Variants in FOXP2 observed in about 807,000 individuals in gnomAD.
FOXP2 encodes the protein forkhead box P2.
Under a neutral mutation model 115.8 loss-of-function variants are expected in FOXP2, and 12 were observed. The observed-to-expected ratio is 0.10, with a 90% CI of 0.07 to 0.17. The LOEUF is 0.17. Among genes scored for constraint, FOXP2 ranks in the 10% least tolerant of loss-of-function variants. The probability of loss-of-function intolerance (pLI) is 1.00; values close to 1 mark genes in which losing one functional copy is unlikely to be tolerated. For missense variants in FOXP2, 629 were observed against 843.5 expected (o/e 0.75, Z 3.15); for synonymous variants, 328 against 297.7 (o/e 1.10, Z -1.05).
chr7:114,437,135 A>G (rs1719503110), intron 2 of FOXP2, among the ~76,000 whole-genome samples: 1 of 151,966 alleles, frequency 6.6e-6, no homozygotes, highest in African/African-American at 2.4e-5. Flanking sequence ...TGTGATTTTT[A>G]CTGTTTGTGG....
At chr7:114,445,076 G>C (rs1312052869) in intron 2 of FOXP2, among the ~76,000 whole-genome samples, 1 of 147,604 alleles carries the variant, frequency 6.8e-6, no homozygotes, top group African/African-American at 2.5e-5. Flanking sequence ...CAACTATTTT[G>C]ACTCTTTTAC....
chr7:114,431,019 G>T (rs897859918), intron 2 of FOXP2, among the ~76,000 whole-genome samples: 1 of 151,784 alleles, frequency 6.6e-6, no homozygotes, highest in African/African-American at 2.4e-5. Context: ...TATAAAAAAG[G>T]ATTTAAATCT....
At chr7:114,574,475 C>T (rs969908106) in intron 3 of FOXP2, among the ~76,000 whole-genome samples, 1 of 151,672 alleles carries the variant, frequency 6.6e-6, no homozygotes, top group Non-Finnish European at 1.5e-5. Context: ...TACTAGGATA[C>T]ATGCCTTTCT....
In FOXP2 at chr7:114,415,237, A is replaced by T; in HGVS notation, c.-134A>T. On this transcript the variant is annotated 5_prime_UTR_variant, in exon 1 of 17. Transcript: ENST00000350908. ...GGCTTTGACAGTGAGCTAGCTTCTG[A>T]GTTTTCCCTTCTTTTTATACTGTTT... 2.2e-6 allele frequency: 1 copy of T among 453,858 alleles called. No homozygotes were observed. The highest frequency in any genetic ancestry group is 1.6e-5 in the South Asian group (1 of 64,472). The allele number at this position is 453,858 out of a possible 1,614,324, so 28.1% of individuals were successfully genotyped here. A position where few individuals can be genotyped will look rare whatever the true frequency, so the allele number is the denominator to read the frequency against.
chr7:114,539,462 G>A (rs1799551924), intron 3 of FOXP2, among the ~76,000 whole-genome samples: 1 of 151,796 alleles, frequency 6.6e-6, no homozygotes, highest in Admixed American at 6.6e-5. Context: ...TATGATGCCA[G>A]AAATTTAGAA....
At chr7:114,410,081 C>T (rs1041800899), upstream of FOXP2, among the ~76,000 whole-genome samples, 2 of 152,074 alleles carry the variant, frequency 1.3e-5, no homozygotes, top group Non-Finnish European at 2.9e-5. Context: ...GGGGGCAGTT[C>T]CAATACTGGG....
intron 3 of FOXP2, among the ~76,000 whole-genome samples, chr7:114,594,377 A>G (rs1376259470): frequency 6.6e-6 from 1 of 152,034 alleles, no homozygotes; most frequent in Non-Finnish European, 1.5e-5. Flanking sequence ...TTTGCTGTCA[A>G]TCACAATTAG....
At chr7:114,477,177 A>G (rs1796311029) in intron 2 of FOXP2, among the ~76,000 whole-genome samples, 1 of 152,022 alleles carries the variant, frequency 6.6e-6, no homozygotes. Flanking sequence ...AAGTAAAATA[A>G]ATCACTCACT....
chr7:114,246,109 G>T (rs1441742946), intron 1 of FOXP2, among the ~76,000 whole-genome samples: 1 of 152,076 alleles, frequency 6.6e-6, no homozygotes, highest in Non-Finnish European at 1.5e-5. Context: ...CATATAAAAT[G>T]ATATACAGTA....
At chr7:114,659,494 G>A in intron 12 of FOXP2, 62 bp downstream of exon 12, 1 of 1,583,994 alleles carries the variant, frequency 6.3e-7, no homozygotes, top group Non-Finnish European at 8.7e-7. Flanking sequence ...CTTAAAGTAA[G>A]GCTTGGATGA....
intron 6 of FOXP2, among the ~76,000 whole-genome samples, chr7:114,635,875 T>C (rs1349261044): frequency 6.6e-6 from 1 of 152,174 alleles, no homozygotes; most frequent in Non-Finnish European, 1.5e-5. Context: ...CCATCAAGCT[T>C]TTGAAATGCA....
At chr7:114,145,366 T>C (rs1238809072) in intron 1 of FOXP2, among the ~76,000 whole-genome samples, 1 of 152,168 alleles carries the variant, frequency 6.6e-6, no homozygotes, top group Non-Finnish European at 1.5e-5. Flanking sequence ...TAGTAAACAT[T>C]CTGAAATAGA....
chr7:114,365,934 C>A (rs539654156), intron 2 of FOXP2, among the ~76,000 whole-genome samples: 1 of 151,886 alleles, frequency 6.6e-6, no homozygotes, highest in African/African-American at 2.4e-5. Context: ...TAATCATTTC[C>A]CCCAAAATTC....
At chr7:114,131,257 G>T (rs776089927) in intron 1 of FOXP2, among the ~76,000 whole-genome samples, 1 of 152,152 alleles carries the variant, frequency 6.6e-6, no homozygotes, top group Non-Finnish European at 1.5e-5. Flanking sequence ...ATCTCCATCA[G>T]TATGGAAGAG....
intron 7 of FOXP2, among the ~76,000 whole-genome samples, chr7:114,643,551 T>C (rs1805700608): frequency 6.6e-6 from 1 of 152,228 alleles, no homozygotes. Context: ...TTAAATGTGT[T>C]ATGTTAGATA....
At chr7:114,267,707 A>T (rs1339972738) in intron 1 of FOXP2, among the ~76,000 whole-genome samples, 1 of 150,616 alleles carries the variant, frequency 6.6e-6, no homozygotes, top group Non-Finnish European at 1.5e-5. Context: ...AGCCTGGGAG[A>T]CAGAGCGAGA....
chr7:114,278,100 G>A (rs1248555451), intron 1 of FOXP2, among the ~76,000 whole-genome samples: 1 of 149,100 alleles, frequency 6.7e-6, no homozygotes, highest in Non-Finnish European at 1.5e-5. Flanking sequence ...AAATGATGAT[G>A]TAAGAATTAT....
intron 2 of FOXP2, among the ~76,000 whole-genome samples, chr7:114,437,304 C>A (rs1053966419): frequency 6.6e-6 from 1 of 152,098 alleles, no homozygotes; most frequent in African/African-American, 2.4e-5. Flanking sequence ...CTAAAATATA[C>A]CTTTGTAGTT....
intron 1 of FOXP2, among the ~76,000 whole-genome samples, chr7:114,125,388 T>C (rs1380845389): frequency 6.6e-6 from 1 of 152,148 alleles, no homozygotes; most frequent in Non-Finnish European, 1.5e-5. Context: ...TAGACAAATA[T>C]TATTCCATCC....
Sources: gnomAD v4.1 joint callset for allele counts (sites outside exome capture counted in the v4.1 genomes callset) on GRCh38, gnomAD v4.1.1 for gene constraint, MANE v1.5 for transcripts, NCBI Gene and HGNC (gene_info 2026-07-23, HGNC 2026-07-21) for gene names.